ACSS1: variants seen among roughly 807,000 people sequenced by gnomAD.
The protein encoded by ACSS1 is acyl-CoA synthetase short chain family member 1.
Under a neutral mutation model 75.3 loss-of-function variants are expected in ACSS1, and 42 were observed. That is an observed-to-expected ratio of 0.56 (90% CI 0.44 to 0.72). ACSS1 has a LOEUF of 0.72. Ranked by LOEUF, ACSS1 falls within the 30% of genes least tolerant of loss-of-function variation. ACSS1 has a pLI of 0.00. For missense variants in ACSS1, 782 were observed against 935.7 expected, an observed-to-expected ratio of 0.84 and a Z score of 2.14; for synonymous variants, 380 against 376.8, an observed-to-expected ratio of 1.01 and a Z score of -0.10.
At chr20:25,010,251 CCTAA>C (rs1243476701) in intron 12 of ACSS1, 2 of 152,648 alleles carry the variant, frequency 1.3e-5, no homozygotes, top group African/African-American at 2.4e-5. Context: ...GCATGTAGCA[CCTAA>C]CTGACTGTGT....
rs2088495983 is a variant in ACSS1, at chr20:25,015,248, GA to G, written c.1247-19del. The G allele has an allele frequency of 3.2e-6, 5 of 1,581,308 alleles. No individual in the cohort carries two copies. The East Asian group carries it at 1.1e-4, about 36-fold the overall frequency. On this transcript the variant is annotated intron_variant, in intron 7 of 13. Transcript: ENST00000323482. The stretch of plus-strand genomic sequence containing the variant: ...CTCTCCCACTGAAACCACACAGAAA[GA>G]AAAAGATGTTAACAGGCTGCAAATA...
chr20:25,047,505 G>A (rs556246457), intron 2 of ACSS1, among the ~76,000 whole-genome samples: 1 of 152,346 alleles, frequency 6.6e-6, no homozygotes, highest in African/African-American at 2.4e-5. Context: ...ACCCAGTGAA[G>A]ACTTGCTAAG....
Position 25,009,304 on chromosome 20 carries a change from TTGG to T in ACSS1, c.1853_1855del (p.Thr618del). On this transcript the variant is annotated inframe_deletion, in exon 13 of 14. Coordinates refer to ENST00000323482, the MANE Select transcript of ACSS1 (RefSeq NM_032501.4). The stretch of plus-strand genomic sequence containing the variant: ...ATCAGGCACAGCATATTTGGCGATC[TTGG>T]TGGCCACCATGGACTTGAGCTCCTG... 1 of 1,614,200 alleles carries T rather than the reference TTGG, an allele frequency of 6.2e-7. No homozygotes were observed. The highest frequency in any genetic ancestry group is 2.2e-5 in the East Asian group (1 of 44,888).
At chr20:25,016,591 G>A (rs147767546) in intron 7 of ACSS1, among the ~76,000 whole-genome samples, 259 of 152,316 alleles carry the variant, frequency 1.7e-3, no homozygotes, top group Admixed American at 4.3e-3. Context: ...AGTGGCCCCC[G>A]CATCCATGCT....
chr20:25,011,284 C>G (rs1204530718), intron 12 of ACSS1: 1 of 152,234 alleles, frequency 6.6e-6, no homozygotes, highest in African/African-American at 2.4e-5. Flanking sequence ...ATTGTCCTTT[C>G]CTTGATCTTG....
Position 25,057,478 on chromosome 20 carries a change from G to A in ACSS1, c.334+291C>T, listed in dbSNP as rs149905315. ...CGGTAACGCAACTCTGGAGTCCGCC[G>A]AGCGAGGAGCCGCGCCGAGCAAGGC... On this transcript the variant is annotated intron_variant, in intron 1 of 13. Transcript: ENST00000323482. 3.5e-3 allele frequency among the ~76,000 whole-genome samples: 536 copies of A among 152,300 alleles called. 4 individuals carry two copies. The highest frequency in any genetic ancestry group is 0.012 in the African/African-American group (495 of 41,568).
chr20:25,039,480 A>G (rs1360354440), intron 2 of ACSS1, among the ~76,000 whole-genome samples: 2 of 152,246 alleles, frequency 1.3e-5, no homozygotes, highest in Non-Finnish European at 2.9e-5. Flanking sequence ...AAAGTTAGCA[A>G]GAGAAGTGCC....
intron 8 of ACSS1, among the ~76,000 whole-genome samples, chr20:25,014,667 A>T (rs1201878490): frequency 6.6e-6 from 1 of 152,128 alleles, no homozygotes; most frequent in Non-Finnish European, 1.5e-5. Context: ...AGAAGGGGGG[A>T]CAAATCCAAA....
chr20:25,056,299 T>C (rs1175380016), intron 1 of ACSS1, among the ~76,000 whole-genome samples: 12 of 152,166 alleles, frequency 7.9e-5, no homozygotes, highest in South Asian at 2.1e-4. Context: ...TCTAGTCTCC[T>C]TCAAGGGCAC....
rs1451595971 is a variant in ACSS1, at chr20:25,015,129, C to G, written c.1339+9G>C. 3 of 1,605,846 alleles carry G rather than the reference C, an allele frequency of 1.9e-6. No individual in the cohort carries two copies. Among genetic ancestry groups the G allele is most frequent in the Non-Finnish European group, 2.6e-6 (3 of 1,174,170 alleles). ...CTTAGACCGGAACCTGTTCCCCAGG[C>G]CTCCTCACCTGTCTGCCACCAGGTG... On this transcript the variant is annotated intron_variant, in intron 8 of 13. Coordinates refer to ENST00000323482, the MANE Select transcript of ACSS1 (RefSeq NM_032501.4).
In ACSS1 at chr20:25,007,430, C is replaced by T. The variant is rs1291047530; in HGVS notation, c.*332G>A. The stretch of plus-strand genomic sequence containing the variant: ...ACTAGCTCTGTGTTATCTGAGCAGG[C>T]GCGCTATCCCAGGGCCTCACCTTCC... On this transcript the variant is annotated 3_prime_UTR_variant, in exon 14 of 14. Transcript: ENST00000323482. The T allele has an allele frequency of 2.3e-5, 27 of 1,166,720 alleles. No individual in the cohort carries two copies. The highest frequency in any genetic ancestry group is 4.9e-5 in the East Asian group (1 of 20,428). The allele number at this position is 1,166,720 out of a possible 1,614,324, so 72.3% of individuals were successfully genotyped here. A position where few individuals can be genotyped will look rare whatever the true frequency, so the allele number is the denominator to read the frequency against.
chr20:25,057,973 T>G lies in ACSS1; in HGVS notation c.130A>C (p.Ser44Arg). 1.9e-6 allele frequency: 3 copies of G among 1,572,072 alleles called. No individual in the cohort carries two copies. In the South Asian group the frequency reaches 3.4e-5, roughly 18 times the overall value. ...GCTGCTGCTGCAACTGCGGGAGCGC[T>G]GCCCGAGGGTCCCGAGGCCGCCCTG... Reference protein sequence around the residue: ...PRRAASGPSGSAPAVAAAAAQ... With the variant: ...PRRAASGPSGRAPAVAAAAAQ... The change falls in exon 1 of 14, where the codon AGC (serine) becomes CGC (arginine). Residue 44 changes from serine (S) to arginine (R), a missense_variant. Physicochemically the swap from Ser to Arg is moderately radical, Grantham distance 110 (BLOSUM62 -1). Around this residue, in one of 2 missense-constraint regions of ACSS1, gnomAD observed 377 missense variants for 383.1 expected, o/e 0.98. Transcript: ENST00000323482.
chr20:25,023,500 A>G lies in ACSS1; in HGVS notation c.773T>C (p.Val258Ala). ...VLVAHRTDNK[V>A]HMGDLDVPLE... is the part of the protein sequence containing the mutation. ...CGGGACGTCCAGATCCCCCATGTGG[A>G]CCTTGTTGTCTGTCCTGTGAGCCAC... The change falls in exon 4 of 14, where the codon GTC becomes GCC. Residue 258 changes from valine to alanine, a missense_variant. Val to Ala is a moderately conservative substitution (Grantham distance 64). This residue lies in a region of ACSS1 where 377 missense variants were observed against 383.1 expected (regional missense o/e 0.98). Transcript: ENST00000323482. 6.2e-7 allele frequency: 1 copy of G among 1,614,122 alleles called. No homozygotes were observed. The highest frequency in any genetic ancestry group is 1.3e-5 in the African/African-American group (1 of 75,010).
At chr20:25,034,393 C>G (rs1454323544) in intron 2 of ACSS1, among the ~76,000 whole-genome samples, 1 of 152,134 alleles carries the variant, frequency 6.6e-6, no homozygotes, top group Non-Finnish European at 1.5e-5. Context: ...TTCCTGAATA[C>G]TCCTTGCCCC....
intron 3 of ACSS1, among the ~76,000 whole-genome samples, chr20:25,025,596 T>A (rs1321611272): frequency 6.6e-6 from 1 of 152,164 alleles, no homozygotes; most frequent in Non-Finnish European, 1.5e-5. Context: ...CAGGGCTGGC[T>A]CCTATGTGGT....
At chr20:25,038,174 T>C (rs1278707683) in intron 2 of ACSS1, among the ~76,000 whole-genome samples, 3 of 152,172 alleles carry the variant, frequency 2.0e-5, no homozygotes, top group African/African-American at 7.2e-5. Flanking sequence ...GCTATGTGTG[T>C]TCTAAATTCC....
At chr20:25,047,106 T>C (rs147567289) in intron 2 of ACSS1, among the ~76,000 whole-genome samples, 45 of 152,230 alleles carry the variant, frequency 3.0e-4, no homozygotes, top group Non-Finnish European at 5.4e-4. Context: ...TTTGGTGAAT[T>C]TGGTCTGTGA....
chr20:25,032,300 C>T lies in ACSS1; in HGVS notation c.432-1342G>A, dbSNP rs910083588. ...GCTCAGGGCCGACACGTGACCCAACCTGGTCCAGTCAGAGTCAACCATACT... is the reference window on the plus strand; with the variant it reads ...GCTCAGGGCCGACACGTGACCCAACTTGGTCCAGTCAGAGTCAACCATACT... On this transcript the variant is annotated intron_variant, in intron 2 of 13. Transcript: ENST00000323482. The T allele has an allele frequency of 1.7e-5, 22 of 1,259,770 alleles. No homozygotes were observed. The Middle Eastern group carries it at 8.3e-4, about 48-fold the overall frequency. 78.0% of individuals were successfully genotyped at this position (1,259,770 alleles called of 1,614,324 possible).
At chr20:25,023,409 A>C in intron 4 of ACSS1, 57 bp downstream of exon 4, 10 of 1,603,044 alleles carry the variant, frequency 6.2e-6, no homozygotes, top group Non-Finnish European at 8.5e-6. Flanking sequence ...GAGAAGCCTC[A>C]GAGCCAGCTA....
Sources: allele counts gnomAD v4.1 joint callset (sites outside exome capture counted in the v4.1 genomes callset), GRCh38; gene constraint gnomAD v4.1.1; regional missense constraint gnomAD v4.1.1; transcripts MANE v1.5; gene names NCBI Gene and HGNC (gene_info 2026-07-23, HGNC 2026-07-21).